The following BLTP3B variants were observed in gnomAD, a reference collection of about 807,000 sequenced individuals.
BLTP3B encodes the protein bridge-like lipid transfer protein family member 3B.
chr12:100,059,649 T>C, the BLTP3B span: 1 of 1,245,538 alleles, frequency 8.0e-7, no homozygotes, highest in African/African-American at 1.5e-5. Context: ...AAAATACTAC[T>C]TTCCTATTAA....
chr12:100,066,629 T>TA, the BLTP3B span, among the ~76,000 whole-genome samples: 1,034 of 136,118 alleles, frequency 7.6e-3, 3 homozygotes, highest in Non-Finnish European at 7.8e-3. Flanking sequence ...CTGTCTCTAC[T>TA]AAAAAAAAAA....
the BLTP3B span, among the ~76,000 whole-genome samples, chr12:100,096,618 T>A: frequency 7.3e-5 from 11 of 151,348 alleles, no homozygotes; most frequent in African/African-American, 2.7e-4. Context: ...CAGGAGTTCA[T>A]GACCAGCCTG....
chr12:100,090,265 G>A, the BLTP3B span, among the ~76,000 whole-genome samples: 1 of 152,126 alleles, frequency 6.6e-6, no homozygotes, highest in Non-Finnish European at 1.5e-5. Flanking sequence ...AGCCAGAAAG[G>A]AGACAGGATT....
chr12:100,058,252 T>A, the BLTP3B span: 1 of 1,613,034 alleles, frequency 6.2e-7, no homozygotes, highest in Non-Finnish European at 8.5e-7. Flanking sequence ...TTTAAGATAC[T>A]ACTTGAATCT....
the BLTP3B span, among the ~76,000 whole-genome samples, chr12:100,101,250 T>C: frequency 6.6e-6 from 1 of 152,182 alleles, no homozygotes; most frequent in Non-Finnish European, 1.5e-5. Flanking sequence ...CTGATAAACC[T>C]GGCCTTTAGT....
At chr12:100,140,724 A>T in the BLTP3B span, among the ~76,000 whole-genome samples, 1 of 111,986 alleles carries the variant, frequency 8.9e-6, no homozygotes, top group Non-Finnish European at 1.8e-5. Flanking sequence ...AAAAAAAAAA[A>T]AAAAAATATA....
chr12:100,081,318 A>G, the BLTP3B span, among the ~76,000 whole-genome samples: 134 of 152,294 alleles, frequency 8.8e-4, no homozygotes, highest in South Asian at 9.1e-3. Context: ...AATATATTTC[A>G]GTGGTTCTGT....
the BLTP3B span, among the ~76,000 whole-genome samples, chr12:100,104,204 C>CTTTTTTTCTT: frequency 6.8e-5 from 9 of 131,646 alleles, no homozygotes; most frequent in African/African-American, 2.5e-4. Flanking sequence ...TTCTTTTTTT[C>CTTTTTTTCTT]TTTTTTTTTT....
At chr12:100,047,495 A>G in the BLTP3B span, 1 of 1,507,138 alleles carries the variant, frequency 6.6e-7, no homozygotes, top group Non-Finnish European at 9.2e-7. Context: ...GCAAAATTCC[A>G]TCTCATAAAT....
the BLTP3B span, chr12:100,060,140 T>C: frequency 1.5e-4 from 147 of 986,454 alleles, no homozygotes; most frequent in Non-Finnish European, 2.0e-4. Context: ...TTATTCTTTC[T>C]TAAGATAAAA....
the BLTP3B span, chr12:100,070,210 C>A: frequency 3.2e-6 from 5 of 1,540,396 alleles, no homozygotes; most frequent in African/African-American, 2.8e-5. Flanking sequence ...ATAAACAAAA[C>A]AAAACAAAAA....
the BLTP3B span, among the ~76,000 whole-genome samples, chr12:100,113,155 A>G: frequency 3.3e-5 from 5 of 151,986 alleles, no homozygotes; most frequent in African/African-American, 1.2e-4. Flanking sequence ...TGGATGACAG[A>G]GTAAGACCCT....
At chr12:100,108,191 A>G in the BLTP3B span, among the ~76,000 whole-genome samples, 1 of 152,226 alleles carries the variant, frequency 6.6e-6, no homozygotes, top group Non-Finnish European at 1.5e-5. Flanking sequence ...ATTAAGATCT[A>G]TAAAGTAGTT....
chr12:100,084,428 AG>A, the BLTP3B span: 2 of 1,439,486 alleles, frequency 1.4e-6, no homozygotes, highest in East Asian at 2.3e-5. Context: ...ACACACACAG[AG>A]TGCAAACACT....
chr12:100,057,476 T>C, the BLTP3B span: 5 of 905,022 alleles, frequency 5.5e-6, no homozygotes, highest in South Asian at 1.6e-4. Context: ...AAAGCATGGG[T>C]ACAGTTAACA....
chr12:100,079,429 G>A, the BLTP3B span, among the ~76,000 whole-genome samples: 6 of 152,130 alleles, frequency 3.9e-5, no homozygotes, highest in East Asian at 3.9e-4. Context: ...TTTAGCAGAC[G>A]GGCAGCATTT....
chr12:100,129,643 G>A, the BLTP3B span, among the ~76,000 whole-genome samples: 1 of 152,136 alleles, frequency 6.6e-6, no homozygotes, highest in African/African-American at 2.4e-5. Context: ...GTTTTAAAAT[G>A]GAGGAGGCCA....
the BLTP3B span, chr12:100,095,850 A>G: frequency 7.7e-6 from 12 of 1,561,990 alleles, no homozygotes; most frequent in Non-Finnish European, 9.5e-6. Flanking sequence ...GTAGGAAAAA[A>G]AAATGTTTTA....
the BLTP3B span, among the ~76,000 whole-genome samples, chr12:100,113,456 CT>C: frequency 6.6e-6 from 1 of 151,890 alleles, no homozygotes; most frequent in Non-Finnish European, 1.5e-5. Context: ...GAGTAAGACT[CT>C]GTGTAAAAAA....
Sources: allele counts gnomAD v4.1 joint callset (sites outside exome capture counted in the v4.1 genomes callset), GRCh38; gene constraint gnomAD v4.1.1; transcripts MANE v1.5; gene names NCBI Gene and HGNC (gene_info 2026-07-23, HGNC 2026-07-21).